Variants in FRMD5 observed in about 807,000 individuals in gnomAD.
FRMD5 encodes the protein FERM domain-containing protein 5.
Under a neutral mutation model 69.0 loss-of-function variants are expected in FRMD5, and 20 were observed. That is an observed-to-expected ratio of 0.29 (90% CI 0.20 to 0.42). The LOEUF (loss-of-function observed/expected upper bound fraction) is 0.42, where lower values mean the gene tolerates loss of function less well. Among genes scored for constraint, FRMD5 ranks in the 10% least tolerant of loss-of-function variants. FRMD5 has a pLI of 1.00. For missense variants in FRMD5, 595 were observed against 708.6 expected (o/e 0.84, Z 1.82); for synonymous variants, 271 against 260.1 (o/e 1.04, Z -0.40).
chr15:44,130,299 C>T (rs1368358899), intron 1 of FRMD5, among the ~76,000 whole-genome samples: 3 of 152,232 alleles, frequency 2.0e-5, no homozygotes, highest in Non-Finnish European at 4.4e-5. Flanking sequence ...GCCTCGCCTT[C>T]ATGGCCTTTT....
Position 44,007,799 on chromosome 15 carries a change from C to T in FRMD5, c.103-83490G>A, listed in dbSNP as rs1890526240. ...TAGCTGGGATTATAGGCATGTGCCA[C>T]CACCCCGGCTAATTTTGTATTTTCA... On this transcript the variant is annotated intron_variant, in intron 1 of 13. Transcript: ENST00000417257. Among the ~76,000 whole-genome samples the T allele has an allele frequency of 3.3e-5, 5 of 151,912 alleles. No individual in the cohort carries two copies. In the South Asian group the frequency reaches 6.3e-4, roughly 19 times the overall value.
chr15:43,898,805 T>C (rs2088976180), intron 7 of FRMD5, among the ~76,000 whole-genome samples: 1 of 152,168 alleles, frequency 6.6e-6, no homozygotes, highest in Non-Finnish European at 1.5e-5. Context: ...AGGCAGAAAA[T>C]GCAGGACAGC....
intron 1 of FRMD5, among the ~76,000 whole-genome samples, chr15:44,031,848 A>C (rs1402843326): frequency 6.6e-6 from 1 of 152,172 alleles, no homozygotes; most frequent in Non-Finnish European, 1.5e-5. Flanking sequence ...TTTCATTTTT[A>C]TCAAATGATT....
chr15:43,897,956 C>T (rs1268988337), intron 7 of FRMD5, among the ~76,000 whole-genome samples: 1 of 151,740 alleles, frequency 6.6e-6, no homozygotes, highest in Non-Finnish European at 1.5e-5. Context: ...GACATGCCTG[C>T]TTCCCCTTCC....
chr15:43,914,870 C>G (rs1471192239), intron 4 of FRMD5, among the ~76,000 whole-genome samples: 1 of 151,892 alleles, frequency 6.6e-6, no homozygotes, highest in Non-Finnish European at 1.5e-5. Flanking sequence ...GGATTACAGG[C>G]ACGTGCCACC....
chr15:43,965,760 T>C (rs1005903259), intron 1 of FRMD5, among the ~76,000 whole-genome samples: 2 of 151,862 alleles, frequency 1.3e-5, no homozygotes, highest in African/African-American at 4.8e-5. Flanking sequence ...TTTGTACTTT[T>C]AGTAGAGACG....
rs187296319 is a variant in FRMD5 at position 43,936,795 on chromosome 15, G to C, written c.103-12486C>G. On this transcript the variant is annotated intron_variant, in intron 1 of 13. Coordinates refer to ENST00000417257, the MANE Select transcript of FRMD5 (RefSeq NM_032892.5). ...AGGGGAAGAAGCTGACTGAGACAAGGGGGTCCCAGCCTCAACTCCAGAAAG... is the reference window on the plus strand; with the variant it reads ...AGGGGAAGAAGCTGACTGAGACAAGCGGGTCCCAGCCTCAACTCCAGAAAG... 2.6e-4 allele frequency among the ~76,000 whole-genome samples: 40 copies of C among 151,602 alleles called. 1 individual carries two copies. The highest frequency in any genetic ancestry group is 9.7e-4 in the African/African-American group (40 of 41,262).
intron 1 of FRMD5, among the ~76,000 whole-genome samples, chr15:44,087,022 T>C (rs1894223691): frequency 6.6e-6 from 1 of 152,150 alleles, no homozygotes; most frequent in Non-Finnish European, 1.5e-5. Flanking sequence ...AGGTAGTCTC[T>C]GCCCTTACCA....
intron 1 of FRMD5, among the ~76,000 whole-genome samples, chr15:44,121,170 T>C (rs2076944448): frequency 6.7e-6 from 1 of 148,434 alleles, no homozygotes; most frequent in Non-Finnish European, 1.5e-5. Flanking sequence ...TTGAGGAAAC[T>C]ATCAAAAAGA....
chr15:43,966,629 G>A (rs971038270), intron 1 of FRMD5, among the ~76,000 whole-genome samples: 3 of 152,178 alleles, frequency 2.0e-5, no homozygotes, highest in African/African-American at 7.2e-5. Flanking sequence ...ATCTAGACAG[G>A]GAGAAAAGTA....
At chr15:43,916,396 G>A (rs2089387749) in intron 4 of FRMD5, among the ~76,000 whole-genome samples, 1 of 152,160 alleles carries the variant, frequency 6.6e-6, no homozygotes, top group African/African-American at 2.4e-5. Flanking sequence ...CATAAACAAG[G>A]AAGAAAAGCC....
At chr15:44,123,794 CAA>C (rs2076988625) in intron 1 of FRMD5, among the ~76,000 whole-genome samples, 1 of 151,968 alleles carries the variant, frequency 6.6e-6, no homozygotes, top group Non-Finnish European at 1.5e-5. Context: ...TGAGAAAATA[CAA>C]TGTTAGAAAT....
intron 1 of FRMD5, among the ~76,000 whole-genome samples, chr15:43,930,736 C>G (rs1181616589): frequency 6.6e-6 from 1 of 152,200 alleles, no homozygotes; most frequent in African/African-American, 2.4e-5. Context: ...GCAGGGAGCC[C>G]TGTTGGCAGT....
chr15:44,193,084 C>G (rs1364673584), intron 1 of FRMD5, among the ~76,000 whole-genome samples: 8 of 152,166 alleles, frequency 5.3e-5, no homozygotes, highest in Non-Finnish European at 2.9e-5. Context: ...ACCAATCAAG[C>G]AACCTCAAAG....
chr15:43,992,343 C>T (rs375676460), intron 1 of FRMD5, among the ~76,000 whole-genome samples: 14 of 134,856 alleles, frequency 1.0e-4, no homozygotes, highest in South Asian at 4.8e-4. Flanking sequence ...GTTGTAAATT[C>T]TTTTTTTTTT....
rs373951833 is a variant in FRMD5, at chr15:43,888,823, C to T, written c.778G>A (p.Val260Ile). ...KFEGKTFYLYVSQKEEKKIIL... is the reference protein window; with the variant it reads ...KFEGKTFYLYISQKEEKKIIL... ...CCAGCACTCACCTCTTTCTGACTTA[C>T]GTATAAATAGAAAGTCTTTCCTTCA... is the stretch of plus-strand genomic sequence containing the variant. Residue 260 changes from valine to isoleucine, a missense_variant, in exon 9 of 14, where the codon GTA (valine) becomes ATA (isoleucine). Val to Ile is a conservative substitution (Grantham distance 29). Transcript: ENST00000417257. 29 of 1,613,578 alleles carry T rather than the reference C, an allele frequency of 1.8e-5. No individual in the cohort carries two copies. Among genetic ancestry groups the T allele is most frequent in the South Asian group, 4.4e-5 (4 of 91,068 alleles).
At chr15:43,883,211 T>C (rs569416267) in intron 13 of FRMD5, among the ~76,000 whole-genome samples, 6 of 151,922 alleles carry the variant, frequency 3.9e-5, no homozygotes, top group South Asian at 4.2e-4. Context: ...GCGAGTCTCC[T>C]ACCTCAGCCC....
chr15:44,033,078 G>A (rs1891755759), intron 1 of FRMD5, among the ~76,000 whole-genome samples: 1 of 152,096 alleles, frequency 6.6e-6, no homozygotes, highest in South Asian at 2.1e-4. Flanking sequence ...TGGAGCTGGA[G>A]GCTATTATTC....
intron 1 of FRMD5, among the ~76,000 whole-genome samples, chr15:44,131,918 ACATTT>A (rs1253758307): frequency 6.8e-6 from 1 of 147,468 alleles, no homozygotes; most frequent in African/African-American, 2.5e-5. Context: ...CAAGTGCTTT[ACATTT>A]ATTGTGCACT....
Sources: gnomAD v4.1 joint callset for allele counts (sites outside exome capture counted in the v4.1 genomes callset) on GRCh38, gnomAD v4.1.1 for gene constraint, MANE v1.5 for transcripts, NCBI Gene and HGNC (gene_info 2026-07-23, HGNC 2026-07-21) for gene names.